Variants in TAFA2 observed in about 807,000 individuals in gnomAD.
The protein encoded by TAFA2 is chemokine-like protein TAFA-2.
Under a neutral mutation model 18.8 loss-of-function variants are expected in TAFA2, and 7 were observed. The observed-to-expected ratio is 0.37, with a 90% CI of 0.21 to 0.70. The LOEUF (loss-of-function observed/expected upper bound fraction) is 0.70. TAFA2 is among the 30% of genes least tolerant of loss of function. TAFA2 has a pLI of 0.53. For missense variants in TAFA2, 122 were observed against 158.1 expected (o/e 0.77, Z 1.23); for synonymous variants, 60 against 54.2 (o/e 1.11, Z -0.47).
intron 1 of TAFA2, among the ~76,000 whole-genome samples, chr12:62,112,395 C>T (rs565606484): frequency 6.6e-6 from 1 of 152,134 alleles, no homozygotes; most frequent in African/African-American, 2.4e-5. Flanking sequence ...GGTAACCCGA[C>T]CTTTCTCTCT....
At chr12:62,060,416 G>A (rs905078799) in intron 1 of TAFA2, among the ~76,000 whole-genome samples, 1 of 152,158 alleles carries the variant, frequency 6.6e-6, no homozygotes, top group Non-Finnish European at 1.5e-5. Context: ...GATGCTGTTT[G>A]TAGTGATGCT....
At chr12:62,237,969 C>T (rs897011255) in intron 1 of TAFA2, among the ~76,000 whole-genome samples, 1 of 152,196 alleles carries the variant, frequency 6.6e-6, no homozygotes, top group Admixed American at 6.5e-5. Flanking sequence ...AGATAAAGAG[C>T]AGAGTTTCAT....
chr12:61,897,227 C>T (rs546815815), intron 1 of TAFA2, among the ~76,000 whole-genome samples: 1 of 152,274 alleles, frequency 6.6e-6, no homozygotes, highest in East Asian at 1.9e-4. Flanking sequence ...CAAAATGATG[C>T]TGACTGTACA....
At chr12:61,923,840 G>A (rs930081489) in intron 1 of TAFA2, among the ~76,000 whole-genome samples, 12 of 151,912 alleles carry the variant, frequency 7.9e-5, no homozygotes, top group Non-Finnish European at 1.6e-4. Context: ...TAAGAACCTT[G>A]ATAAAAGGTT....
intron 1 of TAFA2, among the ~76,000 whole-genome samples, chr12:62,086,923 G>T (rs1317518081): frequency 6.6e-6 from 1 of 152,020 alleles, no homozygotes; most frequent in East Asian, 1.9e-4. Flanking sequence ...ATAAAATGTG[G>T]TATATACATA....
intron 2 of TAFA2, among the ~76,000 whole-genome samples, chr12:61,776,938 T>C (rs764112505): frequency 2.6e-5 from 4 of 151,866 alleles, no homozygotes; most frequent in African/African-American, 9.7e-5. Flanking sequence ...GTGTTGTAAG[T>C]GTAGCTTTAT....
intron 4 of TAFA2, among the ~76,000 whole-genome samples, chr12:61,731,419 T>C (rs1007133874): frequency 6.6e-6 from 1 of 152,144 alleles, no homozygotes; most frequent in Non-Finnish European, 1.5e-5. Context: ...AAGTTAGTCC[T>C]ACCTCCTATC....
intron 4 of TAFA2, among the ~76,000 whole-genome samples, chr12:61,718,763 A>G (rs1486922479): frequency 6.6e-6 from 1 of 152,210 alleles, no homozygotes; most frequent in Non-Finnish European, 1.5e-5. Flanking sequence ...TTTCATTTGT[A>G]GAAGAGTAAT....
chr12:61,896,543 T>C (rs1356968303), intron 1 of TAFA2, among the ~76,000 whole-genome samples: 2 of 152,214 alleles, frequency 1.3e-5, no homozygotes, highest in Non-Finnish European at 2.9e-5. Flanking sequence ...CTTGAAGCTC[T>C]TCCCTTGCCA....
chr12:61,732,581 G>A (rs1466781492), intron 4 of TAFA2, among the ~76,000 whole-genome samples: 1 of 152,036 alleles, frequency 6.6e-6, no homozygotes, highest in East Asian at 1.9e-4. Flanking sequence ...AGACAATGCA[G>A]ACCTCTATTT....
chr12:62,137,922 G>A (rs1014379093), intron 1 of TAFA2, among the ~76,000 whole-genome samples: 1 of 152,058 alleles, frequency 6.6e-6, no homozygotes, highest in Non-Finnish European at 1.5e-5. Context: ...TCTCAGACCT[G>A]CCTCTCTGAC....
chr12:61,810,581 C>CT (rs1255235669), intron 2 of TAFA2, among the ~76,000 whole-genome samples: 1 of 151,190 alleles, frequency 6.6e-6, no homozygotes, highest in Non-Finnish European at 1.5e-5. Context: ...AAATAGCTAT[C>CT]TATCTCGCAA....
intron 2 of TAFA2, among the ~76,000 whole-genome samples, chr12:61,835,167 G>A (rs1367328937): frequency 6.6e-6 from 1 of 151,866 alleles, no homozygotes; most frequent in African/African-American, 2.4e-5. Context: ...TTGGAGGCAA[G>A]AAAATAAAAA....
chr12:62,177,204 C>A (rs923868466), intron 1 of TAFA2, among the ~76,000 whole-genome samples: 1 of 152,226 alleles, frequency 6.6e-6, no homozygotes, highest in Non-Finnish European at 1.5e-5. Context: ...CCTCAGTGCA[C>A]AATGACACTC....
intron 1 of TAFA2, among the ~76,000 whole-genome samples, chr12:62,248,492 G>C (rs1363602036): frequency 6.6e-6 from 1 of 152,176 alleles, no homozygotes; most frequent in Non-Finnish European, 1.5e-5. Context: ...CTTTTATGAG[G>C]TGTATAACCT....
intron 1 of TAFA2, among the ~76,000 whole-genome samples, chr12:61,920,092 TA>T: frequency 6.6e-6 from 1 of 152,336 alleles, no homozygotes; most frequent in Non-Finnish European, 1.5e-5. Context: ...AAAATATTTA[TA>T]GTGTCAATAT....
At chr12:61,926,236 T>C (rs992436434) in intron 1 of TAFA2, among the ~76,000 whole-genome samples, 24 of 152,202 alleles carry the variant, frequency 1.6e-4, no homozygotes, top group African/African-American at 5.8e-4. Context: ...CAGGACCAGA[T>C]GGATTCACAG....
intron 2 of TAFA2, among the ~76,000 whole-genome samples, chr12:61,805,056 T>A (rs1264984010): frequency 6.6e-6 from 1 of 152,060 alleles, no homozygotes. Flanking sequence ...ACAGTATGAA[T>A]GTTAACAGTA....
At chr12:61,857,888 G>A (rs1873953079) in intron 2 of TAFA2, among the ~76,000 whole-genome samples, 1 of 151,896 alleles carries the variant, frequency 6.6e-6, no homozygotes, top group South Asian at 2.1e-4. Context: ...AAGACCCAGG[G>A]GAAAAAAAAG....
Sources: gnomAD v4.1 joint callset for allele counts (sites outside exome capture counted in the v4.1 genomes callset) on GRCh38, gnomAD v4.1.1 for gene constraint, MANE v1.5 for transcripts, NCBI Gene and HGNC (gene_info 2026-07-23, HGNC 2026-07-21) for gene names.